Variants in CWC27 observed in about 807,000 individuals in gnomAD.
The protein encoded by CWC27 is spliceosome-associated protein CWC27 homolog.
In CWC27, 47 loss-of-function variants were observed where a neutral mutation model predicts 63.6. The observed-to-expected ratio is 0.74, with a 90% CI of 0.58 to 0.94. CWC27 has a LOEUF of 0.94. Among genes scored for constraint, CWC27 ranks in the 40% least tolerant of loss-of-function variants. The pLI, the probability that CWC27 is intolerant of heterozygous loss-of-function variation, is 0.00. For synonymous variants in CWC27, 175 were observed against 179.8 expected (o/e 0.97, Z 0.22); for missense variants, 495 against 554.3 (o/e 0.89, Z 1.07).
intron 13 of CWC27, among the ~76,000 whole-genome samples, chr5:65,004,252 T>G (rs138541736): frequency 6.6e-6 from 1 of 152,216 alleles, no homozygotes; most frequent in Non-Finnish European, 1.5e-5. Flanking sequence ...GTAAGACTTA[T>G]GAGTTTTTCT....
chr5:64,994,579 A>G (rs1411134897), intron 13 of CWC27, among the ~76,000 whole-genome samples: 1 of 152,200 alleles, frequency 6.6e-6, no homozygotes, highest in Non-Finnish European at 1.5e-5. Context: ...ATACACCAAT[A>G]TAAACACCAT....
At chr5:64,830,391 C>T (rs957415511) in intron 10 of CWC27, among the ~76,000 whole-genome samples, 7 of 152,188 alleles carry the variant, frequency 4.6e-5, no homozygotes, top group African/African-American at 1.7e-4. Context: ...AAAGCTGAAA[C>T]TGGATTCTTT....
intron 10 of CWC27, among the ~76,000 whole-genome samples, chr5:64,849,287 C>G (rs1432621287): frequency 6.7e-6 from 1 of 149,954 alleles, no homozygotes; most frequent in African/African-American, 2.4e-5. Flanking sequence ...GGTGAAAGAC[C>G]TGTACACTGA....
At chr5:64,786,437 A>G (rs1327209062) in intron 5 of CWC27, 87 bp from the exon 6 acceptor site, 1 of 714,188 alleles carries the variant, frequency 1.4e-6, no homozygotes, top group Non-Finnish European at 2.3e-6. Context: ...AAATATAGAC[A>G]CTATACCACT....
intron 6 of CWC27, among the ~76,000 whole-genome samples, chr5:64,786,990 CCTT>C (rs1743910752): frequency 1.3e-5 from 2 of 152,138 alleles, no homozygotes; most frequent in South Asian, 2.1e-4. Flanking sequence ...GAAGCAGTCA[CCTT>C]CTTCACAAGG....
intron 10 of CWC27, among the ~76,000 whole-genome samples, chr5:64,830,074 G>C (rs957345307): frequency 7.2e-6 from 1 of 139,642 alleles, no homozygotes; most frequent in Admixed American, 7.5e-5. Flanking sequence ...TGTGCACAAC[G>C]TGCAGGTTTG....
chr5:64,965,222 C>T lies in CWC27; in HGVS notation c.1043-6481C>T, dbSNP rs566026172. Among the ~76,000 whole-genome samples the T allele has an allele frequency of 2.0e-5, 3 of 152,286 alleles. No homozygotes were observed. In the East Asian group the frequency reaches 5.8e-4, roughly 29 times the overall value. On this transcript the variant is annotated intron_variant, in intron 11 of 13. Transcript: ENST00000381070. ...ATGATAGGGAACACCCTGTGATTTA[C>T]CCATTCTGCCCTGAAGCACCAAGTT...
chr5:64,975,253 G>A (rs1483733293), intron 12 of CWC27, among the ~76,000 whole-genome samples: 1 of 152,058 alleles, frequency 6.6e-6, no homozygotes, highest in Non-Finnish European at 1.5e-5. Flanking sequence ...GTTCTAGATT[G>A]CCCAGACCTA....
rs144969603 is a variant in CWC27 at position 64,899,827 on chromosome 5, C to T, written c.1042+14281C>T. Among the ~76,000 whole-genome samples, 266 of 152,310 alleles carry T rather than the reference C, an allele frequency of 1.7e-3. 3 individuals are homozygous for T. Among genetic ancestry groups the T allele is most frequent in the East Asian group, 0.012 (63 of 5,190 alleles). On this transcript the variant is annotated intron_variant, in intron 11 of 13. Coordinates refer to ENST00000381070, the MANE Select transcript of CWC27 (RefSeq NM_005869.4). ...ATGTTCTCATGCCCCTTGTTAACCCCCTCTCTGATCCCCTGGCAACCACTA... is the reference window on the plus strand; with the variant it reads ...ATGTTCTCATGCCCCTTGTTAACCCTCTCTCTGATCCCCTGGCAACCACTA...
intron 13 of CWC27, among the ~76,000 whole-genome samples, chr5:65,007,871 G>T (rs1262981012): frequency 1.3e-5 from 2 of 151,886 alleles, no homozygotes; most frequent in African/African-American, 4.8e-5. Context: ...CTCGTGATCC[G>T]CCCGCCTCGG....
intron 11 of CWC27, among the ~76,000 whole-genome samples, chr5:64,907,607 A>T (rs1383363418): frequency 6.6e-6 from 1 of 152,204 alleles, no homozygotes; most frequent in Non-Finnish European, 1.5e-5. Context: ...TGTCATCTGC[A>T]AAGAGAGTCA....
intron 10 of CWC27, among the ~76,000 whole-genome samples, chr5:64,860,390 C>T (rs923577969): frequency 2.0e-5 from 3 of 152,102 alleles, no homozygotes; most frequent in Admixed American, 6.6e-5. Flanking sequence ...TTGTCTACCC[C>T]GACTGTTGGG....
At chr5:64,989,663 G>A (rs1046204117) in intron 13 of CWC27, among the ~76,000 whole-genome samples, 1 of 152,166 alleles carries the variant, frequency 6.6e-6, no homozygotes, top group African/African-American at 2.4e-5. Flanking sequence ...CCTATCTCCA[G>A]GATCTCTTAA....
At chr5:64,986,635 A>G (rs921619284) in intron 13 of CWC27, among the ~76,000 whole-genome samples, 4 of 152,336 alleles carry the variant, frequency 2.6e-5, no homozygotes, top group Non-Finnish European at 5.9e-5. Flanking sequence ...AATGTTCAGT[A>G]AAATTCATCA....
At chr5:64,784,005 GTGGT>G (rs1313483396) in intron 4 of CWC27, 26 bp downstream of exon 4, 37 of 1,533,558 alleles carry the variant, frequency 2.4e-5, no homozygotes, top group Non-Finnish European at 3.1e-5. Flanking sequence ...TTTTAAACCT[GTGGT>G]TCAGTTTTTG....
intron 13 of CWC27, among the ~76,000 whole-genome samples, chr5:64,992,532 AC>A: frequency 7.2e-6 from 1 of 139,268 alleles, no homozygotes; most frequent in East Asian, 2.1e-4. Flanking sequence ...TACTTTCTAC[AC>A]TTTTTTTTTT....
intron 11 of CWC27, among the ~76,000 whole-genome samples, chr5:64,924,956 G>GAT (rs1748076508): frequency 6.9e-6 from 1 of 145,466 alleles, no homozygotes; most frequent in Non-Finnish European, 1.5e-5. Context: ...GTCTTTCTTA[G>GAT]ACACACACAC....
In CWC27 at chr5:65,018,670, A is replaced by C. The variant is rs1363799825; in HGVS notation, c.*349A>C. 1.3e-5 allele frequency: 2 copies of C among 154,006 alleles called. No individual in the cohort carries two copies. The highest frequency in any genetic ancestry group is 1.4e-5 in the Non-Finnish European group (1 of 69,332). The allele number at this position is 154,006 out of a possible 1,614,324, so 9.5% of individuals were successfully genotyped here. On this transcript the variant is annotated 3_prime_UTR_variant, in exon 14 of 14. Transcript: ENST00000381070. Reference sequence around the variant, plus strand: ...TCCTTTTCAAGATTTTTTTATAAGAAGTTCCTACAGAAAGAATATTTGTGG... The same window carrying C: ...TCCTTTTCAAGATTTTTTTATAAGACGTTCCTACAGAAAGAATATTTGTGG...
At chr5:64,776,100 A>AGAGAGAGAGAGAGAGAGG (rs1465300175) in intron 2 of CWC27, among the ~76,000 whole-genome samples, 5 of 150,392 alleles carry the variant, frequency 3.3e-5, no homozygotes, top group African/African-American at 9.8e-5. Flanking sequence ...AGAGAGAGAG[A>AGAGAGAGAGAGAGAGAGG]GAGAGAGAGA....
Sources: allele counts gnomAD v4.1 joint callset (sites outside exome capture counted in the v4.1 genomes callset), GRCh38; gene constraint gnomAD v4.1.1; transcripts MANE v1.5; gene names NCBI Gene and HGNC (gene_info 2026-07-23, HGNC 2026-07-21).